Variants in CTNNA2 observed in about 807,000 individuals in gnomAD.
The protein encoded by CTNNA2 is catenin alpha 2.
Under a neutral mutation model 101.0 loss-of-function variants are expected in CTNNA2, and 42 were observed. The observed-to-expected ratio is 0.42, with a 90% CI of 0.32 to 0.54. The LOEUF is 0.54. CTNNA2 is among the 20% of genes least tolerant of loss of function. CTNNA2 has a pLI of 0.14. For synonymous variants in CTNNA2, 450 were observed against 456.4 expected, an observed-to-expected ratio of 0.99 and a Z score of 0.18; for missense variants, 871 against 1,223.1, an observed-to-expected ratio of 0.71 and a Z score of 4.29.
At chr2:80,256,341 A>G (rs1471476108) in intron 7 of CTNNA2, among the ~76,000 whole-genome samples, 1 of 152,048 alleles carries the variant, frequency 6.6e-6, no homozygotes, top group Admixed American at 6.6e-5. Context: ...AAGTCCACTC[A>G]CTGATGGGTG....
chr2:79,710,057 T>G (rs931259128), intron 2 of CTNNA2, among the ~76,000 whole-genome samples: 1 of 152,128 alleles, frequency 6.6e-6, no homozygotes, highest in African/African-American at 2.4e-5. Context: ...ATCCCGATAC[T>G]TGTCCCTCTT....
intron 1 of CTNNA2, among the ~76,000 whole-genome samples, chr2:79,196,881 G>A (rs1426406665): frequency 1.3e-5 from 2 of 152,158 alleles, no homozygotes; most frequent in Non-Finnish European, 1.5e-5. Flanking sequence ...AGGGATGCAT[G>A]CTTCTTTATC....
chr2:79,241,914 C>CTTTTCTTTTCTTTTCTTTTCT (rs1553385435), intron 2 of CTNNA2, among the ~76,000 whole-genome samples: 1 of 117,018 alleles, frequency 8.5e-6, no homozygotes, highest in African/African-American at 3.0e-5. Flanking sequence ...CTTTTCTTTT[C>CTTTTCTTTTCTTTTCTTTTCT]TTTTTTTTTG....
chr2:80,119,870 A>G (rs901419485), intron 7 of CTNNA2, among the ~76,000 whole-genome samples: 1 of 152,174 alleles, frequency 6.6e-6, no homozygotes, highest in African/African-American at 2.4e-5. Flanking sequence ...AAGTGCAACA[A>G]TTTATGCTAA....
chr2:79,534,406 T>C (rs897716241), intron 1 of CTNNA2, among the ~76,000 whole-genome samples: 1 of 152,126 alleles, frequency 6.6e-6, no homozygotes, highest in Non-Finnish European at 1.5e-5. Context: ...TATTGTTTGT[T>C]ATAACGCTAG....
At chr2:80,136,743 G>A (rs764013036) in intron 7 of CTNNA2, among the ~76,000 whole-genome samples, 2 of 152,080 alleles carry the variant, frequency 1.3e-5, no homozygotes, top group Non-Finnish European at 2.9e-5. Flanking sequence ...TTTTCGCTGA[G>A]TCTGTTGATT....
At chr2:80,218,086 C>T (rs1407821501) in intron 7 of CTNNA2, among the ~76,000 whole-genome samples, 1 of 152,186 alleles carries the variant, frequency 6.6e-6, no homozygotes, top group African/African-American at 2.4e-5. Context: ...ATTTATTTTT[C>T]CCAACTTGGG....
At chr2:80,335,135 G>T (rs944157137) in intron 7 of CTNNA2, among the ~76,000 whole-genome samples, 5 of 152,210 alleles carry the variant, frequency 3.3e-5, no homozygotes, top group Admixed American at 6.5e-5. Flanking sequence ...GTTAGGAAAA[G>T]AATATTGTAG....
chr2:79,957,851 T>C (rs1055020365), intron 7 of CTNNA2, among the ~76,000 whole-genome samples: 2 of 152,366 alleles, frequency 1.3e-5, no homozygotes, highest in South Asian at 4.1e-4. Context: ...TTCTTTTTCA[T>C]TGAGCTCTCA....
chr2:79,484,140 C>T (rs1464767080), intron 4 of CTNNA2, among the ~76,000 whole-genome samples: 1 of 152,030 alleles, frequency 6.6e-6, no homozygotes, highest in African/African-American at 2.4e-5. Flanking sequence ...ACTTGGGAGG[C>T]TGAGGTAGGA....
chr2:79,678,110 A>G (rs933748440), intron 2 of CTNNA2, among the ~76,000 whole-genome samples: 1 of 152,184 alleles, frequency 6.6e-6, no homozygotes, highest in Non-Finnish European at 1.5e-5. Context: ...TATATACAGA[A>G]GGCAGATAGT....
chr2:79,346,472 A>G (rs1677267353), intron 3 of CTNNA2, among the ~76,000 whole-genome samples: 1 of 152,190 alleles, frequency 6.6e-6, no homozygotes, highest in Non-Finnish European at 1.5e-5. Context: ...GTCCTGCATT[A>G]AAGACCCAGT....
rs967067614 is a variant in CTNNA2, at chr2:79,855,754, C to A, written c.299-2259C>A. Among the ~76,000 whole-genome samples the A allele has an allele frequency of 2.0e-5, 3 of 152,124 alleles. No individual in the cohort carries two copies. The South Asian group carries it at 6.2e-4, about 32-fold the overall frequency. ...ACCTGGGTTCGTGTGCAGAATAAAT[C>A]CCCCTTTCCCTTGAATAAGTGGATC... On this transcript the variant is annotated intron_variant, in intron 3 of 18. Coordinates refer to ENST00000402739, the MANE Select transcript of CTNNA2 (RefSeq NM_001282597.3).
chr2:80,490,305 T>C (rs942074691), intron 9 of CTNNA2, among the ~76,000 whole-genome samples: 1 of 100,942 alleles, frequency 9.9e-6, no homozygotes, highest in Non-Finnish European at 1.8e-5. Context: ...AAGCACCAGA[T>C]AGTAAATATT....
rs759135465 is a variant in CTNNA2 at position 80,546,026 on chromosome 2, T to C, written c.1503T>C (p.Asp501=). Residue 501 remains aspartate (D), a synonymous_variant, in exon 11 of 19, where the codon GAT becomes GAC. Transcript: ENST00000402739. ...KQVRVLTEAV[D]DITSVDDFLS... is the part of the protein sequence containing the mutation. ...TCCGAGTGTTGACAGAGGCCGTGGA[T>C]GACATCACCTCAGTGGATGACTTCC... is the stretch of plus-strand genomic sequence containing the variant. 7.4e-6 allele frequency: 12 copies of C among 1,613,956 alleles called. No individual in the cohort carries two copies. In the East Asian group the frequency reaches 2.7e-4, roughly 36 times the overall value.
At chr2:80,455,369 A>G (rs767404365) in intron 9 of CTNNA2, among the ~76,000 whole-genome samples, 2 of 152,198 alleles carry the variant, frequency 1.3e-5, no homozygotes, top group Non-Finnish European at 2.9e-5. Context: ...TCATCTCTCT[A>G]TCAGGAGGGT....
chr2:79,875,007 T>C (rs1682900443), intron 6 of CTNNA2, among the ~76,000 whole-genome samples: 1 of 152,176 alleles, frequency 6.6e-6, no homozygotes, highest in South Asian at 2.1e-4. Context: ...ATTTCTTTGT[T>C]TTAAATCAGT....
intron 4 of CTNNA2, among the ~76,000 whole-genome samples, chr2:79,376,032 T>G (rs939876857): frequency 2.0e-5 from 3 of 152,158 alleles, no homozygotes; most frequent in Non-Finnish European, 4.4e-5. Context: ...AATGAAAGCA[T>G]GCCCAGAGAG....
intron 2 of CTNNA2, among the ~76,000 whole-genome samples, chr2:79,673,314 G>T (rs951568895): frequency 6.6e-6 from 1 of 151,734 alleles, no homozygotes; most frequent in Non-Finnish European, 1.5e-5. Flanking sequence ...TGGGGGGCGG[G>T]GGTGAAAACA....
Sources: allele counts gnomAD v4.1 joint callset (sites outside exome capture counted in the v4.1 genomes callset), GRCh38; gene constraint gnomAD v4.1.1; transcripts MANE v1.5; gene names NCBI Gene and HGNC (gene_info 2026-07-23, HGNC 2026-07-21).